The following KDM7A variants were observed in gnomAD, a reference collection of about 807,000 sequenced individuals.
KDM7A encodes the protein lysine demethylase 7A.
In KDM7A, 28 loss-of-function variants were observed where a neutral mutation model predicts 114.8. The observed-to-expected ratio is 0.24, with a 90% CI of 0.18 to 0.33. The LOEUF (loss-of-function observed/expected upper bound fraction) is 0.33. Among genes scored for constraint, KDM7A ranks in the 10% least tolerant of loss-of-function variants. The pLI is 1.00. For missense variants in KDM7A, 942 were observed against 1,142.5 expected (o/e 0.82, Z 2.53); for synonymous variants, 423 against 397.8 (o/e 1.06, Z -0.75).
chr7:140,156,900 T>A (rs1170426055), intron 1 of KDM7A, among the ~76,000 whole-genome samples: 1 of 152,228 alleles, frequency 6.6e-6, no homozygotes, highest in African/African-American at 2.4e-5. Flanking sequence ...AAACCTCTAA[T>A]GCACACACCC....
rs1817949687 is a variant in KDM7A, at chr7:140,087,630, T to A, written c.*3464A>T. The A allele has an allele frequency of 6.6e-6, 1 of 152,170 alleles. No homozygotes were observed. The highest frequency in any genetic ancestry group is 2.1e-4 in the South Asian group (1 of 4,830). The allele number at this position is 152,170 out of a possible 1,614,324, so 9.4% of individuals were successfully genotyped here. A position where few individuals can be genotyped will look rare whatever the true frequency, so the allele number is the denominator to read the frequency against. ...AAACACTTTAATCCAAATTTACAAA[T>A]GAGAAAACTAAGAGAAAGAGTTAAG... is the stretch of plus-strand genomic sequence containing the variant. On this transcript the variant is annotated 3_prime_UTR_variant, in exon 20 of 20. Transcript: ENST00000397560.
At chr7:140,110,509 C>T (rs1168428035) in intron 11 of KDM7A, among the ~76,000 whole-genome samples, 2 of 152,118 alleles carry the variant, frequency 1.3e-5, no homozygotes, top group Non-Finnish European at 2.9e-5. Context: ...TCCATTCCTC[C>T]ACCTAATTTC....
intron 1 of KDM7A, among the ~76,000 whole-genome samples, chr7:140,151,822 ACT>A (rs1205235937): frequency 6.6e-6 from 1 of 152,170 alleles, no homozygotes; most frequent in Non-Finnish European, 1.5e-5. Flanking sequence ...AGCATCTGAA[ACT>A]CTCCAATCCA....
chr7:140,142,970 A>G (rs1403372923), intron 1 of KDM7A, among the ~76,000 whole-genome samples: 2 of 152,134 alleles, frequency 1.3e-5, no homozygotes, highest in African/African-American at 4.8e-5. Context: ...TCACGAGGTC[A>G]GGAGATCGAG....
intron 17 of KDM7A, chr7:140,095,575 G>A (rs149967787): frequency 2.9e-5 from 7 of 240,174 alleles, no homozygotes; most frequent in African/African-American, 1.2e-4. Flanking sequence ...TACAAGTATT[G>A]TTTTAAGAAT....
At chr7:140,175,118 A>T (rs1794687547) in intron 1 of KDM7A, among the ~76,000 whole-genome samples, 1 of 152,232 alleles carries the variant, frequency 6.6e-6, no homozygotes, top group Admixed American at 6.5e-5. Context: ...ACTGCTAAAG[A>T]TTATACGAAA....
At chr7:140,126,372 A>C (rs530975212) in intron 6 of KDM7A, among the ~76,000 whole-genome samples, 1 of 152,176 alleles carries the variant, frequency 6.6e-6, no homozygotes, top group East Asian at 1.9e-4. Context: ...AAGAAGAGAC[A>C]AAAGCCTAAA....
At chr7:140,116,698 T>C (rs1390197529) in intron 9 of KDM7A, among the ~76,000 whole-genome samples, 1 of 150,248 alleles carries the variant, frequency 6.7e-6, no homozygotes, top group East Asian at 1.9e-4. Context: ...TTTAATAACA[T>C]AATAAAGTAA....
chr7:140,100,352 C>A (rs568653161), intron 12 of KDM7A, among the ~76,000 whole-genome samples: 1 of 152,294 alleles, frequency 6.6e-6, no homozygotes, highest in East Asian at 1.9e-4. Flanking sequence ...TTTTAGCTCT[C>A]TTCCCCTTGC....
At chr7:140,143,184 A>G (rs1289675924) in intron 1 of KDM7A, among the ~76,000 whole-genome samples, 2 of 151,488 alleles carry the variant, frequency 1.3e-5, no homozygotes, top group Admixed American at 6.6e-5. Context: ...CGTCTCAAAA[A>G]AAAAAAAAAA....
intron 9 of KDM7A, among the ~76,000 whole-genome samples, chr7:140,118,737 A>T (rs1358537178): frequency 6.6e-6 from 1 of 152,084 alleles, no homozygotes; most frequent in East Asian, 1.9e-4. Context: ...TTTAAAAGCA[A>T]ATTTTGGGAA....
chr7:140,132,112 G>C (rs567471060), intron 3 of KDM7A, among the ~76,000 whole-genome samples: 1 of 152,234 alleles, frequency 6.6e-6, no homozygotes, highest in African/African-American at 2.4e-5. Context: ...CTTAAAATAG[G>C]GGAGGGGAAA....
chr7:140,165,112 T>C (rs1032848813), intron 1 of KDM7A, among the ~76,000 whole-genome samples: 2 of 152,176 alleles, frequency 1.3e-5, no homozygotes, highest in African/African-American at 4.8e-5. Context: ...CTCAGGATAC[T>C]TTATATCCCT....
At chr7:140,100,691 T>TATATATATAC (rs1818194788) in intron 12 of KDM7A, among the ~76,000 whole-genome samples, 1 of 31,450 alleles carries the variant, frequency 3.2e-5, no homozygotes, top group Non-Finnish European at 7.1e-5. Flanking sequence ...CATATATACA[T>TATATATATAC]ATATATATAT....
At chr7:140,098,636 G>A (rs1400993352) in intron 14 of KDM7A, among the ~76,000 whole-genome samples, 1 of 152,146 alleles carries the variant, frequency 6.6e-6, no homozygotes, top group Admixed American at 6.5e-5. Context: ...CTGACTAGAT[G>A]AGTGCAGCTC....
At position 140,102,030 on chromosome 7, in the gene KDM7A, C is replaced by T. The variant is rs771043424; in HGVS notation, c.1559G>A (p.Arg520Gln). The T allele has an allele frequency of 4.3e-6, 7 of 1,613,826 alleles. No homozygotes were observed. The highest frequency in any genetic ancestry group is 3.3e-5 in the Admixed American group (2 of 60,006). ...TAGGATGTCTAGGTTAGAAGGAGTT[C>T]GGACATTATGATCTCGAAGTTTCCT... ...KMRKLRDHNV[R>Q]TPSNLDILEL... Residue 520 changes from arginine to glutamine, a missense_variant, in exon 12 of 20, where the codon CGA becomes CAA. By Grantham distance (43) the Arg-to-Gln change is conservative. Coordinates refer to ENST00000397560, the MANE Select transcript of KDM7A (RefSeq NM_030647.2).
At chr7:140,116,486 C>T (rs999940187) in intron 9 of KDM7A, among the ~76,000 whole-genome samples, 6 of 151,946 alleles carry the variant, frequency 3.9e-5, no homozygotes, top group Non-Finnish European at 8.8e-5. Flanking sequence ...AGTATTAACA[C>T]AAAGGTCAGG....
At chr7:140,161,991 C>T (rs1401041558) in intron 1 of KDM7A, among the ~76,000 whole-genome samples, 1 of 152,046 alleles carries the variant, frequency 6.6e-6, no homozygotes, top group Non-Finnish European at 1.5e-5. Context: ...TATAAGTTCC[C>T]CCAGCTTTCA....
At chr7:140,104,614 A>G (rs1355207067) in intron 11 of KDM7A, among the ~76,000 whole-genome samples, 4 of 152,106 alleles carry the variant, frequency 2.6e-5, no homozygotes, top group African/African-American at 9.7e-5. Flanking sequence ...GATGTGTGGT[A>G]TTATTTCTGA....
Sources: allele counts gnomAD v4.1 joint callset (sites outside exome capture counted in the v4.1 genomes callset), GRCh38; gene constraint gnomAD v4.1.1; transcripts MANE v1.5; gene names NCBI Gene and HGNC (gene_info 2026-07-23, HGNC 2026-07-21).